Variants in HEATR6 observed in about 807,000 individuals in gnomAD.
The protein encoded by HEATR6 is HEAT repeat containing 6, also known as HEAT repeat-containing protein 6.
HEATR6 carries 106 observed loss-of-function variants against 132.8 expected under a neutral mutation model. That is an observed-to-expected ratio of 0.80 (90% CI 0.68 to 0.94). The LOEUF (loss-of-function observed/expected upper bound fraction) is 0.94. HEATR6 is among the 40% of genes least tolerant of loss of function. The pLI, the probability that HEATR6 is intolerant of heterozygous loss-of-function variation, is 0.00. For synonymous variants in HEATR6, 529 were observed against 537.8 expected (o/e 0.98, Z 0.23); for missense variants, 1,339 against 1,425.1 (o/e 0.94, Z 0.97).
chr17:60,071,874 T>G (rs549149386), intron 5 of HEATR6, among the ~76,000 whole-genome samples: 108 of 152,354 alleles, frequency 7.1e-4, no homozygotes, highest in African/African-American at 2.5e-3. Context: ...TTGCATCGTA[T>G]TTTTAAAAAA....
rs1906287418 is a variant in HEATR6 at position 60,044,199 on chromosome 17, G to A, written c.2975-65C>T. The A allele has an allele frequency of 4.0e-6, 5 of 1,248,574 alleles. No individual in the cohort carries two copies. In the East Asian group the frequency reaches 9.3e-5, roughly 23 times the overall value. The allele number at this position is 1,248,574 out of a possible 1,614,324, so 77.3% of individuals were successfully genotyped here. ...AGAACTAGGTGGGGTGAGAGGGAGA[G>A]GGGTGGAAGGAAGCTTAAACACTAG... On this transcript the variant is annotated intron_variant, in intron 19 of 19. Coordinates refer to ENST00000184956, the MANE Select transcript of HEATR6 (RefSeq NM_022070.5).
At chr17:60,072,638 GACA>G (rs2083276140) in intron 4 of HEATR6, among the ~76,000 whole-genome samples, 2 of 152,118 alleles carry the variant, frequency 1.3e-5, no homozygotes, top group Admixed American at 1.3e-4. Context: ...AAATAATCCA[GACA>G]GGTCCTGTCA....
In HEATR6 at chr17:60,066,329, T is replaced by C. The variant is rs377657794; in HGVS notation, c.1296A>G (p.Lys432=). The change falls in exon 9 of 20, where the codon AAA becomes AAG. Residue 432 remains lysine (K), a synonymous_variant. Coordinates refer to ENST00000184956, the MANE Select transcript of HEATR6 (RefSeq NM_022070.5). ...GALVCFLSTI[K]SIEKKVLYGY... is the part of the protein sequence containing the mutation. ...CATAAAGAACTTTTTTTTCTATCGA[T>C]TTTATAGTAGAAAGAAAACAAACTA... 2 of 1,613,652 alleles carry C rather than the reference T, an allele frequency of 1.2e-6. No homozygotes were observed. The highest frequency in any genetic ancestry group is 1.7e-6 in the Non-Finnish European group (2 of 1,179,792).
intron 1 of HEATR6, among the ~76,000 whole-genome samples, chr17:60,076,944 TAAA>T (rs61125649): frequency 8.2e-6 from 1 of 122,322 alleles, no homozygotes; most frequent in African/African-American, 2.9e-5. Flanking sequence ...AGGGAATTCT[TAAA>T]AAAAAAAAAA....
intron 1 of HEATR6, 67 bp from the exon 2 acceptor site, chr17:60,076,304 CA>C: frequency 1.3e-6 from 1 of 760,306 alleles, no homozygotes. Flanking sequence ...AAAACACAGC[CA>C]AATGGGAAAA....
chr17:60,047,413 AC>A lies in HEATR6; in HGVS notation c.2673-9del. On this transcript the variant is annotated splice_polypyrimidine_tract_variant and intron_variant, in intron 17 of 19. Coordinates refer to ENST00000184956, the MANE Select transcript of HEATR6 (RefSeq NM_022070.5). ...CTTGGGTCTGGTGTTTCCCTGTTCC[AC>A]CCAAAGCAGACAACACATGTTAAAA... The A allele has an allele frequency of 6.3e-7, 1 of 1,582,892 alleles. No homozygotes were observed. The highest frequency in any genetic ancestry group is 1.1e-5 in the South Asian group (1 of 89,832).
At chr17:60,062,688 C>G (rs527332422) in intron 9 of HEATR6, among the ~76,000 whole-genome samples, 1 of 152,230 alleles carries the variant, frequency 6.6e-6, no homozygotes, top group Admixed American at 6.5e-5. Context: ...TTTTACGTAA[C>G]AGCATTTCAA....
chr17:60,055,492 A>G, intron 14 of HEATR6, 23 bp downstream of exon 14: 1 of 1,540,208 alleles, frequency 6.5e-7, no homozygotes, highest in East Asian at 2.3e-5. Context: ...ATAAAAGAAA[A>G]CTATGAATTG....
intron 4 of HEATR6, 41 bp from the exon 5 acceptor site, chr17:60,072,370 T>G (rs991762571): frequency 3.4e-6 from 4 of 1,160,386 alleles, no homozygotes; most frequent in Non-Finnish European, 5.1e-6. Flanking sequence ...TCAGTCTCCT[T>G]TAAAATGAGG....
At chr17:60,069,875 C>A (rs753600589) in intron 6 of HEATR6, 27 bp from the exon 7 acceptor site, 1 of 1,609,018 alleles carries the variant, frequency 6.2e-7, no homozygotes, top group Non-Finnish European at 8.5e-7. Context: ...AGGACACACA[C>A]ACACACACGA....
At chr17:60,059,213 A>G (rs1000061511) in intron 11 of HEATR6, among the ~76,000 whole-genome samples, 1 of 152,168 alleles carries the variant, frequency 6.6e-6, no homozygotes, top group African/African-American at 2.4e-5. Flanking sequence ...AAACTTTACA[A>G]TTAATCCTCT....
At position 60,043,592 on chromosome 17, in the gene HEATR6, C is replaced by CAA. The variant is rs778248572; in HGVS notation, c.3516_3517insTT (p.Gly1173LeufsTer7). ...TGATTTGTTAACCCTGGGAGTGCCC[C>CAA]TTGTGATCCAGATGAGTCAAAACAA... On this transcript the variant is annotated frameshift_variant, in exon 20 of 20. Coordinates refer to ENST00000184956, the MANE Select transcript of HEATR6 (RefSeq NM_022070.5). LOFTEE classifies it high-confidence loss of function. 6.2e-7 allele frequency: 1 copy of CAA among 1,613,522 alleles called. No individual in the cohort carries two copies. The highest frequency in any genetic ancestry group is 1.7e-5 in the Admixed American group (1 of 59,990).
chr17:60,060,108 G>T lies in HEATR6; in HGVS notation c.1417-12C>A. ...GCACAGGCACGTGTCTGAAATTTCG[G>T]GATGATTCACATTGATTAGTTGAAA... On this transcript the variant is annotated splice_polypyrimidine_tract_variant and intron_variant, in intron 9 of 19. Coordinates refer to ENST00000184956, the MANE Select transcript of HEATR6 (RefSeq NM_022070.5). 6.2e-7 allele frequency: 1 copy of T among 1,603,410 alleles called. No homozygotes were observed. Among genetic ancestry groups the T allele is most frequent in the South Asian group, 1.1e-5 (1 of 90,838 alleles).
chr17:60,078,361 T>C (rs1401138510), intron 1 of HEATR6, among the ~76,000 whole-genome samples: 1 of 152,042 alleles, frequency 6.6e-6, no homozygotes, highest in South Asian at 2.1e-4. Context: ...CAATAAACAG[T>C]AGTAATGCAT....
At position 60,057,361 on chromosome 17, in the gene HEATR6, A is replaced by G; in HGVS notation, c.1766T>C (p.Ile589Thr). 1 of 1,612,904 alleles carries G rather than the reference A, an allele frequency of 6.2e-7. No homozygotes were observed. Among genetic ancestry groups the G allele is most frequent in the Non-Finnish European group, 8.5e-7 (1 of 1,179,268 alleles). The change falls in exon 12 of 20, where the codon ATA (isoleucine) becomes ACA (threonine). Residue 589 changes from isoleucine to threonine, a missense_variant. Physicochemically the swap from Ile to Thr is moderately conservative, Grantham distance 89. Coordinates refer to ENST00000184956, the MANE Select transcript of HEATR6 (RefSeq NM_022070.5). ...RVSSLTLLGAIVSTHAPLPEV... is the reference protein window; with the variant it reads ...RVSSLTLLGATVSTHAPLPEV... Reference sequence around the variant, plus strand: ...AGGTAAAGGTGCGTGGGTGGACACTATAGCTCCCAAGAGTGTGAGACTTGA... The same window carrying G: ...AGGTAAAGGTGCGTGGGTGGACACTGTAGCTCCCAAGAGTGTGAGACTTGA...
chr17:60,078,552 G>C lies in HEATR6; in HGVS notation c.219+144C>G, dbSNP rs1265747111. 6.0e-6 allele frequency: 4 copies of C among 668,466 alleles called. No homozygotes were observed. The South Asian group carries it at 7.6e-5, about 13-fold the overall frequency. The allele number at this position is 668,466 out of a possible 1,614,324, so 41.4% of individuals were successfully genotyped here. On this transcript the variant is annotated intron_variant, in intron 1 of 19. Coordinates refer to ENST00000184956, the MANE Select transcript of HEATR6 (RefSeq NM_022070.5). ...CTTCCAAATGGAGAACTAAGAATGT[G>C]CCAAGGTTGGAGGGGGCACGCCATC... is the stretch of plus-strand genomic sequence containing the variant.
Position 60,056,187 on chromosome 17 carries a change from C to G in HEATR6, c.2130G>C (p.Leu710Phe). 6.2e-7 allele frequency: 1 copy of G among 1,614,088 alleles called. No individual in the cohort carries two copies. The highest frequency in any genetic ancestry group is 1.1e-5 in the South Asian group (1 of 91,082). Residue 710 changes from leucine to phenylalanine, a missense_variant, in exon 13 of 20, where the codon TTG becomes TTC. Leu to Phe is a conservative substitution (Grantham distance 22). Coordinates refer to ENST00000184956, the MANE Select transcript of HEATR6 (RefSeq NM_022070.5). ...TGCAAATCACCTCTCCAAGCTCCATCAAGTAGGCTTGAGTCATTGAAAAGT... is the reference window on the plus strand; with the variant it reads ...TGCAAATCACCTCTCCAAGCTCCATGAAGTAGGCTTGAGTCATTGAAAAGT... ...RGYFSMTQAY[L>F]MELGEVICKC...
intron 16 of HEATR6, among the ~76,000 whole-genome samples, chr17:60,048,593 G>A (rs545204155): frequency 3.3e-5 from 5 of 152,062 alleles, no homozygotes; most frequent in Non-Finnish European, 7.4e-5. Flanking sequence ...CCATAATTTT[G>A]GTATGTGCCA....
At chr17:60,050,677 A>G (rs927212046) in intron 15 of HEATR6, among the ~76,000 whole-genome samples, 166 bp downstream of exon 15, 4 of 152,214 alleles carry the variant, frequency 2.6e-5, no homozygotes, top group Non-Finnish European at 4.4e-5. Context: ...TAAGGCTTCA[A>G]GTTTTCCTAT....
Sources: allele counts gnomAD v4.1 joint callset (sites outside exome capture counted in the v4.1 genomes callset), GRCh38; gene constraint gnomAD v4.1.1; transcripts MANE v1.5; gene names NCBI Gene and HGNC (gene_info 2026-07-23, HGNC 2026-07-21).